ADAR: variants seen among roughly 807,000 people sequenced by gnomAD.
ADAR encodes the protein adenosine deaminase RNA specific, also known as double-stranded RNA-specific adenosine deaminase.
ADAR carries 41 observed loss-of-function variants against 113.2 expected under a neutral mutation model. The ratio of observed to expected loss-of-function variants is 0.36; its 90% CI spans 0.28 to 0.47. The LOEUF is 0.47. Ranked by LOEUF, ADAR falls within the 20% of genes least tolerant of loss-of-function variation. The pLI is 1.00. For missense variants in ADAR, 1,242 were observed against 1,540.9 expected (o/e 0.81, Z 3.25); for synonymous variants, 605 against 572.6 (o/e 1.06, Z -0.81).
Position 154,601,847 on chromosome 1 carries a change from A to G in ADAR, c.795T>C (p.His265=). Residue 265 remains histidine (H), a synonymous_variant, in exon 2 of 15, where the codon CAT becomes CAC. Coordinates refer to ENST00000368474, the MANE Select transcript of ADAR (RefSeq NM_001111.5). This position sits in a 1 kb window ranked among gnomAD's most constrained non-coding sequence, Gnocchi z 4.7. Reference sequence around the variant, plus strand: ...GGTCTGAGTTTGGGGATCCTTGGCTATGACTGTCTGGTCTTACCACTCCGC... The same window carrying G: ...GGTCTGAGTTTGGGGATCCTTGGCTGTGACTGTCTGGTCTTACCACTCCGC... ...QHSGVVRPDS[H]SQGSPNSDPG... The G allele has an allele frequency of 6.2e-7, 1 of 1,614,222 alleles. No individual in the cohort carries two copies. The highest frequency in any genetic ancestry group is 8.5e-7 in the Non-Finnish European group (1 of 1,180,048).
At position 154,596,869 on chromosome 1, in the gene ADAR, G is replaced by A. The variant is rs770309575; in HGVS notation, c.2206C>T (p.Arg736Cys). 8 of 1,613,980 alleles carry A rather than the reference G, an allele frequency of 5.0e-6. No homozygotes were observed. Among genetic ancestry groups the A allele is most frequent in the African/African-American group, 4.0e-5 (3 of 74,892 alleles). ...AATTCAGCAGCAAAGCCATGGGAGC[G>A]GGCGTACTCCAAAAGGCCACCCACA... is the stretch of plus-strand genomic sequence containing the variant. ...NPVGGLLEYA[R>C]SHGFAAEFKL... The change falls in exon 6 of 15, where the codon CGC becomes TGC. Residue 736 changes from arginine to cysteine, a missense_variant. Physicochemically the swap from Arg to Cys is radical, Grantham distance 180 (BLOSUM62 -3). Transcript: ENST00000368474.
chr1:154,585,273 A>G lies in ADAR; in HGVS notation c.3387T>C (p.Cys1129=). The change falls in exon 14 of 15, where the codon TGT becomes TGC. Residue 1129 remains cysteine (C), a synonymous_variant. Coordinates refer to ENST00000368474, the MANE Select transcript of ADAR (RefSeq NM_001111.5). The part of the protein sequence containing the change: ...GKTKETSVNW[C]LADGYDLEIL... ...TCTCCAGGTCATAGCCATCAGCCAG[A>G]CACCAGTTGACGCTTGTCTCCTTAG... The G allele has an allele frequency of 1.9e-6, 3 of 1,614,152 alleles. No individual in the cohort carries two copies. The highest frequency in any genetic ancestry group is 2.5e-6 in the Non-Finnish European group (3 of 1,180,016).
chr1:154,597,757 G>T, intron 4 of ADAR, 71 bp downstream of exon 4: 1 of 1,596,872 alleles, frequency 6.3e-7, no homozygotes, highest in Admixed American at 1.7e-5. Context: ...CCCTGAGGAG[G>T]CAAGGAAGAA....
At chr1:154,591,295 ACT>A (rs1697129101) in intron 6 of ADAR, among the ~76,000 whole-genome samples, 1 of 152,212 alleles carries the variant, frequency 6.6e-6, no homozygotes, top group Non-Finnish European at 1.5e-5. Context: ...CCCACAAGTC[ACT>A]GTTACTTCAT....
intron 1 of ADAR, among the ~76,000 whole-genome samples, chr1:154,607,496 G>C (rs1470132303): frequency 6.6e-6 from 1 of 151,644 alleles, no homozygotes; most frequent in Non-Finnish European, 1.5e-5. Flanking sequence ...GCTGCTCAAA[G>C]TCCGAACGTT....
intron 10 of ADAR, 37 bp from the exon 11 acceptor site, chr1:154,588,295 G>A: frequency 6.2e-7 from 1 of 1,614,042 alleles, no homozygotes; most frequent in Non-Finnish European, 8.5e-7. Flanking sequence ...CTCACCTGTG[G>A]GAAATCTGCA....
intron 10 of ADAR, 87 bp downstream of exon 10, chr1:154,588,464 T>C: frequency 6.3e-7 from 1 of 1,581,064 alleles, no homozygotes; most frequent in South Asian, 1.1e-5. Context: ...TGTATCAGGT[T>C]CGATTTACAG....
rs761422119 is a variant in ADAR, at chr1:154,597,817, G to A, written c.1934+11C>T. 25 of 1,613,972 alleles carry A rather than the reference G, an allele frequency of 1.5e-5. No homozygotes were observed. Among genetic ancestry groups the A allele is most frequent in the Non-Finnish European group, 1.9e-5 (23 of 1,180,028 alleles). ...AAAACCTCAGCTGGACAGAGGACAC[G>A]TAGGACATACTTGGGTTCATGGGCA... On this transcript the variant is annotated intron_variant, in intron 4 of 14. Coordinates refer to ENST00000368474, the MANE Select transcript of ADAR (RefSeq NM_001111.5).
Position 154,608,104 on chromosome 1 carries a change from T to C in ADAR, c.-98A>G. ...CCCCTCGAGGCCCCCACGCCTCCGC[T>C]ACTCCGCACTGGAAGTGGCCCCGGG... On this transcript the variant is annotated 5_prime_UTR_variant, in exon 1 of 15. Coordinates refer to ENST00000368474, the MANE Select transcript of ADAR (RefSeq NM_001111.5). 1 of 1,417,466 alleles carries C rather than the reference T, an allele frequency of 7.1e-7. No individual in the cohort carries two copies. Among genetic ancestry groups the C allele is most frequent in the Non-Finnish European group, 9.3e-7 (1 of 1,079,640 alleles). 87.8% of individuals were successfully genotyped at this position (1,417,466 alleles called of 1,614,324 possible). A position where few individuals can be genotyped will look rare whatever the true frequency, so the allele number is the denominator to read the frequency against.
At chr1:154,585,632 C>A in intron 13 of ADAR, 121 bp downstream of exon 13, 1 of 973,180 alleles carries the variant, frequency 1.0e-6, no homozygotes, top group South Asian at 1.4e-5. Context: ...GGGCAATGTT[C>A]CCTTGTGGGC....
intron 9 of ADAR, 106 bp from the exon 10 acceptor site, chr1:154,588,779 G>C: frequency 6.8e-7 from 1 of 1,477,232 alleles, no homozygotes; most frequent in South Asian, 1.1e-5. Context: ...TCTCAATGTT[G>C]CAGACGTTTC....
intron 1 of ADAR, among the ~76,000 whole-genome samples, chr1:154,604,819 A>T (rs941066144): frequency 7.9e-5 from 12 of 152,168 alleles, no homozygotes; most frequent in Non-Finnish European, 1.8e-4. Context: ...CCCCAACCTA[A>T]ACTAGCCCTC....
At chr1:154,611,814 A>G (rs1698495786), upstream of ADAR, among the ~76,000 whole-genome samples, 1 of 152,226 alleles carries the variant, frequency 6.6e-6, no homozygotes, top group Non-Finnish European at 1.5e-5. Flanking sequence ...ATTAAGAGTT[A>G]CTGTCTAAAA....
upstream of ADAR, among the ~76,000 whole-genome samples, chr1:154,609,106 T>C (rs1348467384): frequency 6.6e-6 from 1 of 152,194 alleles, no homozygotes; most frequent in African/African-American, 2.4e-5. Flanking sequence ...TTTGCAGGTG[T>C]AGAAACCGAG....
upstream of ADAR, chr1:154,608,838 G>GGGGGGGGGT (rs1698377926): frequency 7.3e-6 from 1 of 136,750 alleles, no homozygotes; most frequent in Non-Finnish European, 1.6e-5. Context: ...AGGGGGGGGG[G>GGGGGGGGGT]AGGGGATGGG....
In ADAR at chr1:154,589,748, C is replaced by T; in HGVS notation, c.2668+9G>A. 6.2e-7 allele frequency: 1 copy of T among 1,614,088 alleles called. No homozygotes were observed. The highest frequency in any genetic ancestry group is 8.5e-7 in the Non-Finnish European group (1 of 1,180,012). On this transcript the variant is annotated intron_variant, in intron 8 of 14. Transcript: ENST00000368474. The stretch of plus-strand genomic sequence containing the variant: ...CATGGGAGGCGGCATGTCTCAGAGC[C>T]TCACTCACCTGTTCCCAAGCTGACG...
chr1:154,613,281 CTTTTTTTTTTTTT>C (rs56126079), intron 1 of ADAR, among the ~76,000 whole-genome samples: 1 of 84,662 alleles, frequency 1.2e-5, no homozygotes, highest in Admixed American at 1.5e-4. Flanking sequence ...TCACAAATGG[CTTTTTTTTTTTTT>C]TTTTTTTTGA....
In ADAR at chr1:154,607,871, C is replaced by CAA. The variant is rs1698303567; in HGVS notation, c.15+120_15+121insTT. 8.8e-6 allele frequency: 12 copies of CAA among 1,364,698 alleles called. No homozygotes were observed. In the East Asian group the frequency reaches 3.1e-4, roughly 36 times the overall value. The allele number at this position is 1,364,698 out of a possible 1,614,324, so 84.5% of individuals were successfully genotyped here. On this transcript the variant is annotated intron_variant, in intron 1 of 14. Transcript: ENST00000368474. ...AAACCAGCAATGCTGCTTGGCAAGA[C>CAA]GACACACACACACACACTCTAACAC...
chr1:154,596,924 G>A lies in ADAR; in HGVS notation c.2151C>T (p.Gly717=), dbSNP rs775619389. The A allele has an allele frequency of 8.1e-6, 13 of 1,614,088 alleles. No homozygotes were observed. The highest frequency in any genetic ancestry group is 1.6e-4 in the Middle Eastern group (1 of 6,062). The change falls in exon 6 of 15, where the codon GGC becomes GGT. Residue 717 remains glycine (G), a synonymous_variant. Coordinates refer to ENST00000368474, the MANE Select transcript of ADAR (RefSeq NM_001111.5). The part of the protein sequence containing the change: ...SMMPNKVRKI[G]ELVRYLNTNP... ...TGGTGTTCAGGTATCTCACGAGCTC[G>A]CCAATCTTCCTGACCTTGTTGGGCA...
Sources: allele counts gnomAD v4.1 joint callset (sites outside exome capture counted in the v4.1 genomes callset), GRCh38; gene constraint gnomAD v4.1.1; non-coding constraint Gnocchi (gnomAD v3.1); transcripts MANE v1.5; gene names NCBI Gene and HGNC (gene_info 2026-07-23, HGNC 2026-07-21).